SLC7A6OS: variants seen among roughly 807,000 people sequenced by gnomAD.
SLC7A6OS encodes probable RNA polymerase II nuclear localization protein SLC7A6OS.
Under a neutral mutation model 34.3 loss-of-function variants are expected in SLC7A6OS, and 22 were observed. The observed-to-expected ratio is 0.64, with a 90% CI of 0.46 to 0.92. The LOEUF is 0.92. SLC7A6OS is among the 40% of genes least tolerant of loss of function. The pLI, the probability that SLC7A6OS is intolerant of heterozygous loss-of-function variation, is 0.00. For missense variants in SLC7A6OS, 434 were observed against 407.7 expected (o/e 1.06, Z -0.56); for synonymous variants, 199 against 165.0 (o/e 1.21, Z -1.58).
At chr16:68,303,480 G>A (rs1428171503) in intron 3 of SLC7A6OS, among the ~76,000 whole-genome samples, 2 of 151,566 alleles carry the variant, frequency 1.3e-5, no homozygotes, top group East Asian at 3.9e-4. Flanking sequence ...CTGCTTGGGA[G>A]GCTGAGATAG....
Position 68,304,177 on chromosome 16 carries a change from A to G in SLC7A6OS, c.527T>C (p.Leu176Ser), listed in dbSNP as rs764852406. The G allele has an allele frequency of 2.5e-5, 40 of 1,614,210 alleles. No homozygotes were observed. Among genetic ancestry groups the G allele is most frequent in the Non-Finnish European group, 3.2e-5 (38 of 1,180,034 alleles). ...CNSVELIRER[L>S]TVSEDGPGVR... Reference sequence around the variant, plus strand: ...TCCTGGTCCATCCTCAGACACAGTCAATCGCTCACGGATCAACTCTACAGA... The same window carrying G: ...TCCTGGTCCATCCTCAGACACAGTCGATCGCTCACGGATCAACTCTACAGA... Residue 176 changes from leucine to serine, a missense_variant, in exon 3 of 5, where the codon TTG (leucine) becomes TCG (serine). Physicochemically the swap from Leu to Ser is moderately radical, Grantham distance 145. Coordinates refer to ENST00000263997, the MANE Select transcript of SLC7A6OS (RefSeq NM_032178.3).
At chr16:68,304,000 C>T (rs1412017396) in intron 3 of SLC7A6OS, 26 bp downstream of exon 3, 1 of 1,602,450 alleles carries the variant, frequency 6.2e-7, no homozygotes, top group Non-Finnish European at 8.5e-7. Flanking sequence ...ATGCCTCATG[C>T]CCCGTCTGCT....
intron 3 of SLC7A6OS, chr16:68,303,720 TTATCA>T (rs2043305222): frequency 7.4e-6 from 2 of 271,968 alleles, no homozygotes; most frequent in Non-Finnish European, 1.4e-5. Flanking sequence ...CGTCTTTATC[TTATCA>T]TAAGCCCCAT....
In SLC7A6OS at chr16:68,304,221, T is replaced by C. The variant is rs2043309667; in HGVS notation, c.483A>G (p.Pro161=). Residue 161 remains proline (P), a synonymous_variant, in exon 3 of 5, where the codon CCA becomes CCG. Transcript: ENST00000263997. ...ASAGSCKTSD[P]DVILCNSVEL... is the part of the protein sequence containing the mutation. ...CTACAGAATTGCAGAGGATCACATC[T>C]GGGTCAGATGTCTGTAAAGAAACCA... 1.9e-6 allele frequency: 3 copies of C among 1,614,036 alleles called. No homozygotes were observed. Among genetic ancestry groups the C allele is most frequent in the Non-Finnish European group, 2.5e-6 (3 of 1,180,016 alleles).
At chr16:68,309,462 G>A (rs139022009) in intron 2 of SLC7A6OS, among the ~76,000 whole-genome samples, 1 of 152,132 alleles carries the variant, frequency 6.6e-6, no homozygotes, top group East Asian at 1.9e-4. Context: ...ACCTCCCCAG[G>A]CTCAAGTGAT....
At position 68,301,418 on chromosome 16, in the gene SLC7A6OS, C is replaced by T. The variant is rs768631853; in HGVS notation, c.800-13G>A. 7.4e-6 allele frequency: 12 copies of T among 1,610,804 alleles called. No individual in the cohort carries two copies. The South Asian group carries it at 1.2e-4, about 16-fold the overall frequency. ...TAGTCAGCAGAGCCTAGAATGACATCCCGGGAGTGGATTCTAAATGTGATT... is the reference window on the plus strand; with the variant it reads ...TAGTCAGCAGAGCCTAGAATGACATTCCGGGAGTGGATTCTAAATGTGATT... On this transcript the variant is annotated splice_polypyrimidine_tract_variant and intron_variant, in intron 4 of 4. Transcript: ENST00000263997.
At chr16:68,309,051 C>CAAAAA (rs57351239) in intron 2 of SLC7A6OS, among the ~76,000 whole-genome samples, 3 of 68,470 alleles carry the variant, frequency 4.4e-5, no homozygotes, top group Admixed American at 1.7e-4. Flanking sequence ...GACTCTGACT[C>CAAAAA]AAAAAAAAAA....
At chr16:68,308,317 A>C (rs1434178070) in intron 2 of SLC7A6OS, among the ~76,000 whole-genome samples, 2 of 152,132 alleles carry the variant, frequency 1.3e-5, no homozygotes, top group African/African-American at 4.8e-5. Flanking sequence ...GACATCATAC[A>C]CAAATTGCTA....
intron 2 of SLC7A6OS, among the ~76,000 whole-genome samples, chr16:68,309,663 C>T (rs1030436612): frequency 5.3e-5 from 8 of 152,168 alleles, no homozygotes; most frequent in Non-Finnish European, 5.9e-5. Context: ...GCATTCTAGA[C>T]CTAAATCTAC....
chr16:68,307,157 T>G (rs1348870225), intron 2 of SLC7A6OS, among the ~76,000 whole-genome samples: 1 of 152,256 alleles, frequency 6.6e-6, no homozygotes. Flanking sequence ...TGTATAGTGT[T>G]GCAATGAATG....
intron 2 of SLC7A6OS, among the ~76,000 whole-genome samples, chr16:68,307,499 A>G (rs920104076): frequency 2.0e-5 from 3 of 152,234 alleles, no homozygotes; most frequent in African/African-American, 7.2e-5. Context: ...TTGTAACATA[A>G]CATAGAAATG....
intron 3 of SLC7A6OS, among the ~76,000 whole-genome samples, chr16:68,303,412 T>C (rs976262489): frequency 1.3e-5 from 2 of 151,826 alleles, no homozygotes. Flanking sequence ...AGACCCTGCC[T>C]CTACAAAAAA....
At chr16:68,306,559 T>C (rs932795502) in intron 2 of SLC7A6OS, among the ~76,000 whole-genome samples, 1 of 152,126 alleles carries the variant, frequency 6.6e-6, no homozygotes, top group African/African-American at 2.4e-5. Context: ...TTGCCCAAAC[T>C]GGCCTTGAAC....
At position 68,300,920 on chromosome 16, in the gene SLC7A6OS, T is replaced by C. The variant is rs1027632997; in HGVS notation, c.*355A>G. 2 of 1,000,186 alleles carry C rather than the reference T, an allele frequency of 2.0e-6. No homozygotes were observed. The highest frequency in any genetic ancestry group is 3.5e-5 in the African/African-American group (2 of 57,750). The allele number at this position is 1,000,186 out of a possible 1,614,324, so 62.0% of individuals were successfully genotyped here. Reference sequence around the variant, plus strand: ...TGGCACAGCAGAAGCTTACTGCTAATGAAATGGGAACCTCCCCCTCCCTTG... The same window carrying C: ...TGGCACAGCAGAAGCTTACTGCTAACGAAATGGGAACCTCCCCCTCCCTTG... On this transcript the variant is annotated 3_prime_UTR_variant, in exon 5 of 5. Transcript: ENST00000263997.
intron 3 of SLC7A6OS, 56 bp downstream of exon 3, chr16:68,303,970 G>C: frequency 6.7e-7 from 1 of 1,483,798 alleles, no homozygotes; most frequent in Non-Finnish European, 9.4e-7. Context: ...AAAGCATTCT[G>C]ATTAGATTAA....
rs770358492 is a variant in SLC7A6OS, at chr16:68,310,750, G to A, written c.177C>T (p.Ala59=). 1 of 1,609,902 alleles carries A rather than the reference G, an allele frequency of 6.2e-7. No homozygotes were observed. The highest frequency in any genetic ancestry group is 2.2e-5 in the East Asian group (1 of 44,808). The part of the protein sequence containing the change: ...AAENNVFHLV[A]TVCSQEEPVQ... ...CGCCCAATACCTGGGAGCACACAGTGGCCACCAAGTGGAAGACATTATTCT... is the reference window on the plus strand; with the variant it reads ...CGCCCAATACCTGGGAGCACACAGTAGCCACCAAGTGGAAGACATTATTCT... The change falls in exon 1 of 5, where the codon GCC becomes GCT. Residue 59 remains alanine, a synonymous_variant. Coordinates refer to ENST00000263997, the MANE Select transcript of SLC7A6OS (RefSeq NM_032178.3).
intron 2 of SLC7A6OS, among the ~76,000 whole-genome samples, chr16:68,309,160 T>A (rs1335327118): frequency 6.6e-6 from 1 of 151,912 alleles, no homozygotes; most frequent in Non-Finnish European, 1.5e-5. Context: ...AGTGACTTGA[T>A]CACAGCTCAC....
chr16:68,309,888 C>T (rs1185812485), intron 2 of SLC7A6OS, among the ~76,000 whole-genome samples: 1 of 152,182 alleles, frequency 6.6e-6, no homozygotes, highest in Non-Finnish European at 1.5e-5. Context: ...AGCAAAGAAA[C>T]GGCTTAAGGG....
At chr16:68,309,559 T>C (rs2043387357) in intron 2 of SLC7A6OS, among the ~76,000 whole-genome samples, 1 of 152,222 alleles carries the variant, frequency 6.6e-6, no homozygotes, top group East Asian at 1.9e-4. Flanking sequence ...TCTGTAGTTT[T>C]GCTGCATGTA....
Sources: allele counts gnomAD v4.1 joint callset (sites outside exome capture counted in the v4.1 genomes callset), GRCh38; gene constraint gnomAD v4.1.1; transcripts MANE v1.5; gene names NCBI Gene and HGNC (gene_info 2026-07-23, HGNC 2026-07-21).